UTS2: variants seen among roughly 807,000 people sequenced by gnomAD.
UTS2 encodes urotensin-2.
UTS2 carries 10 observed loss-of-function variants against 12.6 expected under a neutral mutation model. That is an observed-to-expected ratio of 0.80 (90% CI 0.49 to 1.35). The LOEUF is 1.35. Among genes scored for constraint, UTS2 ranks in the 40% most tolerant of loss-of-function variants. UTS2 has a pLI of 0.00. For synonymous variants in UTS2, 52 were observed against 50.0 expected (o/e 1.04, Z -0.17); for missense variants, 142 against 143.2 (o/e 0.99, Z 0.04).
At chr1:7,897,936 C>T in the UTS2 span, among the ~76,000 whole-genome samples, 2 of 152,060 alleles carry the variant, frequency 1.3e-5, no homozygotes, top group Non-Finnish European at 2.9e-5. Context: ...GTAGAGCATT[C>T]CTAGGTACCT....
chr1:7,862,986 TTGTG>T, the UTS2 span, among the ~76,000 whole-genome samples: 5 of 23,100 alleles, frequency 2.2e-4, no homozygotes, highest in African/African-American at 6.0e-4. Flanking sequence ...ATTTATTGTG[TTGTG>T]TTGTATTGTA....
chr1:7,895,443 C>T, the UTS2 span, among the ~76,000 whole-genome samples: 1 of 152,062 alleles, frequency 6.6e-6, no homozygotes, highest in East Asian at 1.9e-4. Context: ...CCCCCTTAAT[C>T]CTATTCCCTT....
chr1:7,867,413 C>A, the UTS2 span, among the ~76,000 whole-genome samples: 2 of 152,116 alleles, frequency 1.3e-5, no homozygotes, highest in Non-Finnish European at 2.9e-5. Flanking sequence ...CCTCATCCAA[C>A]AGGCTTGGTG....
chr1:7,891,571 A>AGAAAGAAAGAAG, the UTS2 span, among the ~76,000 whole-genome samples: 1 of 151,548 alleles, frequency 6.6e-6, no homozygotes, highest in East Asian at 1.9e-4. Context: ...AAAGAAAGAA[A>AGAAAGAAAGAAG]GAAAGAAAGA....
the UTS2 span, among the ~76,000 whole-genome samples, chr1:7,911,518 A>G: frequency 1.3e-5 from 2 of 152,188 alleles, no homozygotes; most frequent in African/African-American, 4.8e-5. Flanking sequence ...CTCTGCTACG[A>G]AAAGGTGGTG....
In UTS2 at chr1:7,847,827, C is replaced by A. The variant is rs2097409350; in HGVS notation, c.314G>T (p.Arg105Ile). 1 of 1,613,848 alleles carries A rather than the reference C, an allele frequency of 6.2e-7. No homozygotes were observed. The highest frequency in any genetic ancestry group is 1.7e-5 in the Admixed American group (1 of 59,984). The stretch of plus-strand genomic sequence containing the variant: ...ACGTTTCTTGTATGGTTTCCAGATT[C>A]TGGCCAAAAGATGACTCAGTAAAAT... ...PNILLSHLLA[R>I]IWKPYKKRET... Residue 105 changes from arginine (R) to isoleucine (I), a missense_variant, in exon 4 of 4, where the codon AGA (arginine) becomes ATA (isoleucine). Transcript: ENST00000361696.
chr1:7,859,539 C>A, the UTS2 span, among the ~76,000 whole-genome samples: 2 of 152,136 alleles, frequency 1.3e-5, 1 homozygote, highest in South Asian at 4.1e-4. Context: ...GGAAGAGCCT[C>A]CAGGCAGACG....
the UTS2 span, among the ~76,000 whole-genome samples, chr1:7,886,231 T>G: frequency 2.7e-4 from 41 of 152,192 alleles, no homozygotes; most frequent in Admixed American, 1.2e-3. Context: ...CACTGCTGGC[T>G]CCAAACCCAT....
the UTS2 span, among the ~76,000 whole-genome samples, chr1:7,904,213 T>C: frequency 1.3e-5 from 2 of 151,936 alleles, no homozygotes; most frequent in Non-Finnish European, 2.9e-5. Context: ...GAGCACATTA[T>C]TGGCACTTTG....
the UTS2 span, among the ~76,000 whole-genome samples, chr1:7,910,623 T>G: frequency 6.6e-6 from 1 of 152,226 alleles, no homozygotes; most frequent in Non-Finnish European, 1.5e-5. Flanking sequence ...TTTGTATGCC[T>G]TTTCTCCTAT....
chr1:7,896,760 A>G, the UTS2 span, among the ~76,000 whole-genome samples: 3 of 151,786 alleles, frequency 2.0e-5, no homozygotes, highest in African/African-American at 7.3e-5. Context: ...CAGTGGTGCA[A>G]TCTCAGCTCA....
chr1:7,852,930 T>C lies in UTS2; in HGVS notation c.74A>G (p.Asp25Gly), dbSNP rs2097415608. The C allele has an allele frequency of 6.2e-7, 1 of 1,611,062 alleles. No individual in the cohort carries two copies. The highest frequency in any genetic ancestry group is 8.5e-7 in the Non-Finnish European group (1 of 1,178,976). The change falls in exon 1 of 4, where the codon GAC becomes GGC. Residue 25 changes from aspartate (D) to glycine (G), a missense_variant. Transcript: ENST00000361696. ...GAGTTGAAAGGATATTTCCCTGGAG[T>C]CAAGGAGAGGAAGAGATAAGAGAGG... ...LNPLLSLPLL[D>G]SREISFQLSA...
the UTS2 span, among the ~76,000 whole-genome samples, chr1:7,876,316 A>G: frequency 6.6e-6 from 1 of 152,146 alleles, no homozygotes; most frequent in Non-Finnish European, 1.5e-5. Flanking sequence ...CACACACATC[A>G]GGGGCCGAGG....
the UTS2 span, among the ~76,000 whole-genome samples, chr1:7,911,830 G>A: frequency 3.3e-5 from 5 of 151,416 alleles, no homozygotes; most frequent in African/African-American, 1.2e-4. Context: ...GAACCCAGGA[G>A]GCGGAGGTTA....
At chr1:7,872,919 A>G in the UTS2 span, among the ~76,000 whole-genome samples, 1 of 152,190 alleles carries the variant, frequency 6.6e-6, no homozygotes, top group East Asian at 1.9e-4. Context: ...TTCAAAGGAC[A>G]GGCCGACTCC....
upstream of UTS2, among the ~76,000 whole-genome samples, chr1:7,856,925 G>T (rs1638320747): frequency 6.6e-6 from 1 of 152,100 alleles, no homozygotes; most frequent in Non-Finnish European, 1.5e-5. Context: ...GCCGGGAGTA[G>T]TGGTGGGCGC....
At chr1:7,907,220 C>A in the UTS2 span, among the ~76,000 whole-genome samples, 1 of 152,136 alleles carries the variant, frequency 6.6e-6, no homozygotes, top group Admixed American at 6.6e-5. Context: ...CGTGTCACTG[C>A]ACTCCAGCCT....
At chr1:7,852,168 T>TA (rs562527705) in intron 1 of UTS2, among the ~76,000 whole-genome samples, 1 of 152,072 alleles carries the variant, frequency 6.6e-6, no homozygotes, top group East Asian at 1.9e-4. Flanking sequence ...TTTCTTTATT[T>TA]AAAAAAAGCC....
the UTS2 span, among the ~76,000 whole-genome samples, chr1:7,884,547 G>A: frequency 2.0e-5 from 3 of 152,048 alleles, no homozygotes; most frequent in African/African-American, 2.4e-5. Flanking sequence ...GGGCTCAAGC[G>A]ATCCTCCCAT....
Sources: allele counts gnomAD v4.1 joint callset (sites outside exome capture counted in the v4.1 genomes callset), GRCh38; gene constraint gnomAD v4.1.1; transcripts MANE v1.5; gene names NCBI Gene and HGNC (gene_info 2026-07-23, HGNC 2026-07-21).